The following SLC12A3 variants were observed in gnomAD, a reference collection of about 807,000 sequenced individuals.
The protein encoded by SLC12A3 is solute carrier family 12 member 3, also known as Na-Cl cotransporter.
Under a neutral mutation model 121.0 loss-of-function variants are expected in SLC12A3, and 104 were observed. The ratio of observed to expected loss-of-function variants is 0.86; its 90% CI spans 0.73 to 1.01. The LOEUF (loss-of-function observed/expected upper bound fraction) is 1.01. SLC12A3 is among the 50% of genes least tolerant of loss of function. The probability of loss-of-function intolerance (pLI) is 0.00; values close to 1 mark genes in which losing one functional copy is unlikely to be tolerated. For synonymous variants in SLC12A3, 536 were observed against 533.4 expected (o/e 1.00, Z -0.07); for missense variants, 1,328 against 1,356.3 (o/e 0.98, Z 0.33).
chr16:56,886,052 A>T (rs2055306518), intron 15 of SLC12A3, among the ~76,000 whole-genome samples: 1 of 152,228 alleles, frequency 6.6e-6, no homozygotes, highest in African/African-American at 2.4e-5. Flanking sequence ...TGTAAGTGAC[A>T]GGTTTCCTCA....
chr16:56,881,267 G>A (rs1038171992), intron 12 of SLC12A3, among the ~76,000 whole-genome samples: 5 of 152,186 alleles, frequency 3.3e-5, no homozygotes, highest in Admixed American at 3.3e-4. Context: ...ATTACCCAAG[G>A]TAAGCTTTTC....
intron 25 of SLC12A3, chr16:56,906,782 GA>G: frequency 1.1e-5 from 8 of 758,546 alleles, no homozygotes; most frequent in Non-Finnish European, 1.5e-5. Flanking sequence ...ATTATGCAAA[GA>G]AAAGTGAACC....
At chr16:56,895,705 G>A (rs2055453422) in intron 22 of SLC12A3, among the ~76,000 whole-genome samples, 1 of 151,976 alleles carries the variant, frequency 6.6e-6, no homozygotes, top group Admixed American at 6.6e-5. Flanking sequence ...GGAGAGTGGT[G>A]GTTTTGGGAT....
At chr16:56,901,209 G>T (rs999290131) in intron 23 of SLC12A3, among the ~76,000 whole-genome samples, 13 of 152,030 alleles carry the variant, frequency 8.6e-5, no homozygotes, top group South Asian at 2.1e-4. Context: ...GACCTCACTC[G>T]CCCTTGCTGG....
In SLC12A3 at chr16:56,878,054, CCCT is replaced by C; in HGVS notation, c.1096-21_1096-19del. 1 of 851,586 alleles carries C rather than the reference CCCT, an allele frequency of 1.2e-6. No individual in the cohort carries two copies. Among genetic ancestry groups the C allele is most frequent in the Non-Finnish European group, 1.9e-6 (1 of 518,158 alleles). 52.8% of individuals were successfully genotyped at this position (851,586 alleles called of 1,614,324 possible). ...TCCCTCTCTCCCTCCCTCCCTCCCT[CCCT>C]CTCTCCCTCCCTCCTTCAGGACCCT... On this transcript the variant is annotated intron_variant, in intron 8 of 25. Transcript: ENST00000563236.
rs2055341528 is a variant in SLC12A3 at position 56,887,970 on chromosome 16, T to A, written c.2224T>A (p.Phe742Ile). Residue 742 changes from phenylalanine to isoleucine, a missense_variant, in exon 18 of 26, where the codon TTC becomes ATC. Transcript: ENST00000563236. ...RMKPNILVVG[F>I]KKNWQSAHPA... ...GAAGCCCAACATTCTGGTGGTTGGG[T>A]TCAAGAAGAACTGGCAGTCGGCTCA... 2 of 1,612,436 alleles carry A rather than the reference T, an allele frequency of 1.2e-6. No individual in the cohort carries two copies. Among genetic ancestry groups the A allele is most frequent in the African/African-American group, 2.7e-5 (2 of 74,736 alleles).
intron 18 of SLC12A3, 107 bp downstream of exon 18, chr16:56,888,138 G>A: frequency 1.3e-6 from 1 of 774,436 alleles, no homozygotes; most frequent in South Asian, 1.5e-5. Flanking sequence ...GTCCTGCTGG[G>A]CAAAGTGGCT....
intron 24 of SLC12A3, among the ~76,000 whole-genome samples, chr16:56,902,912 G>A (rs948269663): frequency 6.6e-6 from 1 of 152,094 alleles, no homozygotes; most frequent in Non-Finnish European, 1.5e-5. Flanking sequence ...TTGGGAGGCC[G>A]AGGCAGGTGG....
At position 56,885,235 on chromosome 16, in the gene SLC12A3, C is replaced by G. The variant is rs761948552; in HGVS notation, c.1826-30C>G. The stretch of plus-strand genomic sequence containing the variant: ...TCCTCTAGTGATTCCTAACTCTGCT[C>G]TCACCCCCGTTGCTCCCTTGCTCTC... On this transcript the variant is annotated intron_variant, in intron 14 of 25. Transcript: ENST00000563236. The G allele has an allele frequency of 1.9e-5, 25 of 1,305,262 alleles. No individual in the cohort carries two copies. In the African/African-American group the frequency reaches 2.4e-4, roughly 12 times the overall value. 80.9% of individuals were successfully genotyped at this position (1,305,262 alleles called of 1,614,324 possible).
In SLC12A3 at chr16:56,913,754, G is replaced by A. The variant is rs886052162; in HGVS notation, c.*349G>A. Reference sequence around the variant, plus strand: ...GCAAATTGGAGTCCCAATGCTGGGCGTGAATCTTGACAGTTTCTACAGACC... The same window carrying A: ...GCAAATTGGAGTCCCAATGCTGGGCATGAATCTTGACAGTTTCTACAGACC... On this transcript the variant is annotated 3_prime_UTR_variant, in exon 26 of 26. Coordinates refer to ENST00000563236, the MANE Select transcript of SLC12A3 (RefSeq NM_001126108.2). 2.3e-5 allele frequency: 8 copies of A among 350,102 alleles called. No individual in the cohort carries two copies. Among genetic ancestry groups the A allele is most frequent in the African/African-American group, 4.3e-5 (2 of 46,988 alleles). The allele number at this position is 350,102 out of a possible 1,614,324, so 21.7% of individuals were successfully genotyped here. A position where few individuals can be genotyped will look rare whatever the true frequency, so the allele number is the denominator to read the frequency against.
chr16:56,883,671 G>T (rs1224780622), intron 13 of SLC12A3, among the ~76,000 whole-genome samples: 3 of 152,342 alleles, frequency 2.0e-5, no homozygotes, highest in African/African-American at 7.2e-5. Flanking sequence ...GTTGCACCAT[G>T]AGGCAGCTGT....
In SLC12A3 at chr16:56,865,418, C is replaced by A; in HGVS notation, c.183C>A (p.Ile61=). ...TGCGCACCTTTGGCTACAACACGATCGATGTGGTGCCCACATATGAGCACT... is the reference window on the plus strand; with the variant it reads ...TGCGCACCTTTGGCTACAACACGATAGATGTGGTGCCCACATATGAGCACT... ...FCMRTFGYNT[I]DVVPTYEHYA... is the part of the protein sequence containing the mutation. Residue 61 remains isoleucine, a synonymous_variant, in exon 1 of 26, where the codon ATC becomes ATA. Coordinates refer to ENST00000563236, the MANE Select transcript of SLC12A3 (RefSeq NM_001126108.2). 6.2e-7 allele frequency: 1 copy of A among 1,614,204 alleles called. No homozygotes were observed. Among genetic ancestry groups the A allele is most frequent in the Non-Finnish European group, 8.5e-7 (1 of 1,180,042 alleles).
chr16:56,890,156 A>G, intron 18 of SLC12A3, 118 bp from the exon 19 acceptor site: 1 of 783,118 alleles, frequency 1.3e-6, no homozygotes, highest in Non-Finnish European at 2.3e-6. Flanking sequence ...AGGCCCAGAG[A>G]ACAGAAAGGG....
At position 56,887,057 on chromosome 16, in the gene SLC12A3, C is replaced by T. The variant is rs5803; in HGVS notation, c.2142C>T (p.Ala714=). The T allele has an allele frequency of 0.1, 169,233 of 1,613,796 alleles. 10,144 individuals carry two copies. The highest frequency in any genetic ancestry group is 0.25 in the East Asian group (11,228 of 44,852). Residue 714 remains alanine, a synonymous_variant, in exon 17 of 26, where the codon GCC becomes GCT. Transcript: ENST00000563236. ...AGGCCTTCTACTCGGATGTCATTGC[C>T]GAGGACCTCCGCAGAGGCGTCCAGA... The part of the protein sequence containing the change: ...KIKAFYSDVI[A]EDLRRGVQIL...
intron 8 of SLC12A3, among the ~76,000 whole-genome samples, chr16:56,873,184 A>C (rs1475173918): frequency 1.3e-5 from 2 of 152,234 alleles, no homozygotes; most frequent in Non-Finnish European, 2.9e-5. Context: ...TCAAGGCTCC[A>C]GCCTGCCTGT....
Position 56,887,003 on chromosome 16 carries a change from CACCAAGT to C in SLC12A3, c.2089_2095del (p.Thr697GlyfsTer2), listed in dbSNP as rs771701344. 2.4e-5 allele frequency: 39 copies of C among 1,613,818 alleles called. 1 individual carries two copies. The highest frequency in any genetic ancestry group is 9.9e-5 in the South Asian group (9 of 91,088). On this transcript the variant is annotated frameshift_variant, in exon 17 of 26. Coordinates refer to ENST00000563236, the MANE Select transcript of SLC12A3 (RefSeq NM_001126108.2). LOFTEE classifies it high-confidence loss of function. ...AGCTCCAGCTCATCGCCAACGGGCA[CACCAAGT>C]GGCTGAACAAGAGGAAGATCAAGGC...
intron 8 of SLC12A3, 119 bp downstream of exon 8, chr16:56,872,905 A>G (rs1468568538): frequency 7.5e-7 from 1 of 1,336,050 alleles, no homozygotes; most frequent in African/African-American, 1.4e-5. Flanking sequence ...TCTAAAATCC[A>G]GTCCAGTCCA....
chr16:56,881,231 A>T (rs1232433343), intron 12 of SLC12A3, among the ~76,000 whole-genome samples: 1 of 152,200 alleles, frequency 6.6e-6, no homozygotes, highest in Admixed American at 6.5e-5. Flanking sequence ...ACAGTCCATG[A>T]GATTTGCCCT....
At chr16:56,870,340 C>G (rs1302494157) in intron 5 of SLC12A3, 105 bp downstream of exon 5, 17 of 1,280,878 alleles carry the variant, frequency 1.3e-5, no homozygotes, top group Non-Finnish European at 1.6e-5. Context: ...CCTGACTTCA[C>G]CCATCAGGAA....
Sources: allele counts gnomAD v4.1 joint callset (sites outside exome capture counted in the v4.1 genomes callset), GRCh38; gene constraint gnomAD v4.1.1; transcripts MANE v1.5; gene names NCBI Gene and HGNC (gene_info 2026-07-23, HGNC 2026-07-21).